The following AKT3 variants were observed in gnomAD, a reference collection of about 807,000 sequenced individuals.
The protein encoded by AKT3 is RAC-gamma serine/threonine-protein kinase.
Under a neutral mutation model 65.3 loss-of-function variants are expected in AKT3, and 15 were observed. That is an observed-to-expected ratio of 0.23 (90% CI 0.15 to 0.35). AKT3 has a LOEUF of 0.35. Among genes scored for constraint, AKT3 ranks in the 10% least tolerant of loss-of-function variants. The pLI, the probability that AKT3 is intolerant of heterozygous loss-of-function variation, is 1.00. For synonymous variants in AKT3, 206 were observed against 183.8 expected (o/e 1.12, Z -0.98); for missense variants, 243 against 576.5 (o/e 0.42, Z 5.92).
intron 4 of AKT3, among the ~76,000 whole-genome samples, chr1:243,658,708 G>A (rs1425099598): frequency 6.6e-6 from 1 of 151,992 alleles, no homozygotes; most frequent in East Asian, 1.9e-4. Flanking sequence ...GCCAAGAGGT[G>A]GAAACAATCT....
intron 2 of AKT3, among the ~76,000 whole-genome samples, chr1:243,726,499 T>C (rs1242012125): frequency 6.6e-6 from 1 of 152,240 alleles, no homozygotes; most frequent in Admixed American, 6.5e-5. Flanking sequence ...ATATTTAAGT[T>C]CAGTTTCTAT....
chr1:243,726,636 C>A lies in AKT3; in HGVS notation c.47-30920G>T, dbSNP rs541345248. 5.3e-5 allele frequency among the ~76,000 whole-genome samples: 8 copies of A among 152,186 alleles called. No individual in the cohort carries two copies. The South Asian group carries it at 1.7e-3, about 32-fold the overall frequency. ...AAGAAAGTTAACATTTATCTATGAACAAGCACTCAGTCCCACAGCCATGAG... is the reference window on the plus strand; with the variant it reads ...AAGAAAGTTAACATTTATCTATGAAAAAGCACTCAGTCCCACAGCCATGAG... On this transcript the variant is annotated intron_variant, in intron 2 of 13. Transcript: ENST00000673466.
At chr1:243,800,025 A>C (rs908011386) in intron 2 of AKT3, among the ~76,000 whole-genome samples, 4 of 151,986 alleles carry the variant, frequency 2.6e-5, no homozygotes, top group Non-Finnish European at 5.9e-5. Context: ...CTTATTTCCA[A>C]GTTTCTATTT....
intron 12 of AKT3, among the ~76,000 whole-genome samples, chr1:243,530,658 G>GA (rs1671460336): frequency 6.6e-6 from 1 of 152,128 alleles, no homozygotes; most frequent in South Asian, 2.1e-4. Flanking sequence ...CAGAAGGCAA[G>GA]AAATAACCAA....
chr1:243,653,698 C>T (rs1681549646), intron 4 of AKT3, among the ~76,000 whole-genome samples: 1 of 152,088 alleles, frequency 6.6e-6, no homozygotes, highest in Non-Finnish European at 1.5e-5. Context: ...TTTAAATCTC[C>T]AAATATGGTT....
At chr1:243,506,546 A>G (rs1344424597) in intron 13 of AKT3, among the ~76,000 whole-genome samples, 1 of 152,242 alleles carries the variant, frequency 6.6e-6, no homozygotes, top group Non-Finnish European at 1.5e-5. Flanking sequence ...AAGAATAAAC[A>G]CTTCCATTCT....
chr1:243,572,176 A>C (rs949829467), intron 9 of AKT3, among the ~76,000 whole-genome samples: 8 of 152,298 alleles, frequency 5.3e-5, no homozygotes, highest in African/African-American at 1.9e-4. Context: ...ACCTTGTATG[A>C]GTTACTCCAG....
intron 12 of AKT3, among the ~76,000 whole-genome samples, chr1:243,537,772 G>A (rs1041484578): frequency 1.3e-5 from 2 of 152,256 alleles, no homozygotes; most frequent in East Asian, 1.9e-4. Flanking sequence ...CCACCTGTCC[G>A]CTGTTTACAT....
rs1425406763 is a variant in AKT3 at position 243,656,765 on chromosome 1, CTGTA to C, written c.284+8003_284+8006del. ...TACGTGTGCGCATGCACATGTGTCT[CTGTA>C]TGTGAGTGTGAGTGTCGTGGCCATG... On this transcript the variant is annotated intron_variant, in intron 4 of 13. Transcript: ENST00000673466. Among the ~76,000 whole-genome samples the C allele has an allele frequency of 3.3e-5, 5 of 152,180 alleles. No individual in the cohort carries two copies. In the East Asian group the frequency reaches 5.8e-4, roughly 18 times the overall value.
intron 2 of AKT3, among the ~76,000 whole-genome samples, chr1:243,790,362 C>T (rs1691541592): frequency 1.3e-5 from 2 of 152,162 alleles, no homozygotes; most frequent in African/African-American, 2.4e-5. Flanking sequence ...TTTTATGTTA[C>T]GGAGACGGCT....
chr1:243,570,936 T>C (rs1674514688), intron 9 of AKT3, among the ~76,000 whole-genome samples: 1 of 152,184 alleles, frequency 6.6e-6, no homozygotes, highest in South Asian at 2.1e-4. Flanking sequence ...ATATATAAAG[T>C]AGGTACTTTA....
At chr1:243,521,031 G>A (rs1670687742) in intron 12 of AKT3, among the ~76,000 whole-genome samples, 1 of 152,158 alleles carries the variant, frequency 6.6e-6, no homozygotes, top group Non-Finnish European at 1.5e-5. Flanking sequence ...GAAGGTAAGA[G>A]ATTCCACAGA....
intron 8 of AKT3, among the ~76,000 whole-genome samples, chr1:243,606,878 C>A (rs1677468233): frequency 6.6e-6 from 1 of 152,274 alleles, no homozygotes. Context: ...TGCATCCCAA[C>A]TGCTTCAGTC....
chr1:243,770,847 T>C (rs1326922482), intron 2 of AKT3, among the ~76,000 whole-genome samples: 1 of 152,094 alleles, frequency 6.6e-6, no homozygotes, highest in Non-Finnish European at 1.5e-5. Flanking sequence ...TCTTCATTCA[T>C]TACTGTTTTA....
chr1:243,784,003 C>T (rs1179383796), intron 2 of AKT3, among the ~76,000 whole-genome samples: 2 of 152,094 alleles, frequency 1.3e-5, no homozygotes, highest in Admixed American at 6.5e-5. Flanking sequence ...CAATACAGCT[C>T]TCATATTAAT....
chr1:243,841,978 CAG>C (rs1695267209), intron 2 of AKT3, among the ~76,000 whole-genome samples: 1 of 152,112 alleles, frequency 6.6e-6, no homozygotes, highest in Non-Finnish European at 1.5e-5. Context: ...ATAGTAACAG[CAG>C]ATAAAGTGGT....
chr1:243,502,612 C>T lies in AKT3; in HGVS notation c.*2637G>A, dbSNP rs1280434602. The T allele has an allele frequency of 8.6e-6, 2 of 233,000 alleles. No homozygotes were observed. Among genetic ancestry groups the T allele is most frequent in the Admixed American group, 5.6e-5 (1 of 17,768 alleles). The allele number at this position is 233,000 out of a possible 1,614,324, so 14.4% of individuals were successfully genotyped here. A position where few individuals can be genotyped will look rare whatever the true frequency, so the allele number is the denominator to read the frequency against. On this transcript the variant is annotated 3_prime_UTR_variant, in exon 14 of 14. Transcript: ENST00000673466. ...CACAAGGGAAGTTTTAGAAATCTCC[C>T]TCTACACGCATTTCTGGTTTTCTAT...
At chr1:243,717,865 G>T (rs953726843) in intron 2 of AKT3, among the ~76,000 whole-genome samples, 1 of 152,076 alleles carries the variant, frequency 6.6e-6, no homozygotes, top group Non-Finnish European at 1.5e-5. Flanking sequence ...AGCTAATTTC[G>T]ATCATAAAAC....
intron 3 of AKT3, among the ~76,000 whole-genome samples, chr1:243,672,215 C>T (rs983994379): frequency 1.3e-5 from 2 of 152,040 alleles, no homozygotes; most frequent in Non-Finnish European, 2.9e-5. Context: ...TAACGGGAGG[C>T]GGTTTAGAAT....
Sources: allele counts gnomAD v4.1 joint callset (sites outside exome capture counted in the v4.1 genomes callset), GRCh38; gene constraint gnomAD v4.1.1; transcripts MANE v1.5; gene names NCBI Gene and HGNC (gene_info 2026-07-23, HGNC 2026-07-21).